SPIRE1: variants seen among roughly 807,000 people sequenced by gnomAD.
The protein encoded by SPIRE1 is spire type actin nucleation factor 1, also known as protein spire homolog 1.
A neutral mutation model predicts 94.1 loss-of-function variants in SPIRE1; 40 were observed. That is an observed-to-expected ratio of 0.43 (90% confidence interval 0.33 to 0.55). SPIRE1 has a LOEUF of 0.55. Ranked by LOEUF, SPIRE1 falls within the 20% of genes least tolerant of loss-of-function variation. The probability of loss-of-function intolerance (pLI) is 0.06; values close to 1 mark genes in which losing one functional copy is unlikely to be tolerated. For synonymous variants in SPIRE1, 376 were observed against 371.7 expected, an observed-to-expected ratio of 1.01 and a Z score of -0.13; for missense variants, 838 against 975.2, an observed-to-expected ratio of 0.86 and a Z score of 1.87.
chr18:12,565,500 G>A (rs1598477637), intron 2 of SPIRE1, among the ~76,000 whole-genome samples: 1 of 151,764 alleles, frequency 6.6e-6, no homozygotes, highest in Non-Finnish European at 1.5e-5. Flanking sequence ...TTAGCCTCCC[G>A]AGTAGCTGGG....
chr18:12,526,068 C>CACACACACACACACAT (rs2034515024), intron 4 of SPIRE1, among the ~76,000 whole-genome samples: 1 of 116,630 alleles, frequency 8.6e-6, no homozygotes, highest in African/African-American at 2.8e-5. Context: ...CACACACACA[C>CACACACACACACACAT]ACACACACAC....
intron 6 of SPIRE1, among the ~76,000 whole-genome samples, chr18:12,505,762 T>C (rs974748038): frequency 1.3e-5 from 2 of 152,208 alleles, no homozygotes; most frequent in Admixed American, 1.3e-4. Context: ...CAAGGTGATT[T>C]GTTTAATAAA....
intron 12 of SPIRE1, chr18:12,459,862 C>T: frequency 1.0e-6 from 1 of 985,878 alleles, no homozygotes; most frequent in Non-Finnish European, 1.2e-6. Flanking sequence ...AGCAGAGAAG[C>T]TGTTTGTATG....
chr18:12,521,554 G>A (rs2034359247), intron 4 of SPIRE1, among the ~76,000 whole-genome samples: 1 of 151,890 alleles, frequency 6.6e-6, no homozygotes, highest in Non-Finnish European at 1.5e-5. Context: ...GGCTGGTCTC[G>A]AACTCCCGAC....
chr18:12,496,940 C>T (rs545083776), intron 6 of SPIRE1, among the ~76,000 whole-genome samples: 147 of 151,992 alleles, frequency 9.7e-4, no homozygotes, highest in African/African-American at 3.4e-3. Flanking sequence ...TGGCAGCAGG[C>T]GCCTGTAATT....
chr18:12,642,363 T>C (rs1351499860), intron 1 of SPIRE1, among the ~76,000 whole-genome samples: 11 of 152,152 alleles, frequency 7.2e-5, no homozygotes, highest in Admixed American at 7.2e-4. Flanking sequence ...ATTTTTGACA[T>C]AGACTACACT....
intron 2 of SPIRE1, among the ~76,000 whole-genome samples, chr18:12,562,021 T>C (rs192840125): frequency 2.8e-4 from 43 of 152,314 alleles, no homozygotes; most frequent in Admixed American, 2.5e-3. Flanking sequence ...GGAAGGATTG[T>C]TAATGAGATT....
chr18:12,524,047 C>A (rs1433302848), intron 4 of SPIRE1, among the ~76,000 whole-genome samples: 1 of 152,092 alleles, frequency 6.6e-6, no homozygotes, highest in African/African-American at 2.4e-5. Context: ...ATTTGTATGA[C>A]TTGCTTTATT....
At chr18:12,637,831 T>C (rs2037976077) in intron 1 of SPIRE1, among the ~76,000 whole-genome samples, 1 of 152,176 alleles carries the variant, frequency 6.6e-6, no homozygotes, top group Non-Finnish European at 1.5e-5. Context: ...TTAAAAACAA[T>C]GATAGAGGAG....
chr18:12,615,542 C>CA (rs71174108), intron 2 of SPIRE1, among the ~76,000 whole-genome samples: 9,167 of 75,724 alleles, frequency 0.12, 1,067 homozygotes, highest in Middle Eastern at 0.24. Flanking sequence ...TCTATCTCCA[C>CA]AAAAAAAAAA....
intron 6 of SPIRE1, 68 bp downstream of exon 6, chr18:12,506,409 T>A: frequency 7.0e-7 from 1 of 1,422,888 alleles, no homozygotes; most frequent in Non-Finnish European, 9.9e-7. Flanking sequence ...TCCACCTGCC[T>A]CGACCTCCCA....
At chr18:12,469,288 C>T (rs990654671) in intron 10 of SPIRE1, among the ~76,000 whole-genome samples, 8 of 151,510 alleles carry the variant, frequency 5.3e-5, no homozygotes, top group African/African-American at 9.7e-5. Context: ...CTGCAATTTC[C>T]GCCTCTTGGG....
chr18:12,519,834 G>A (rs2034309597), intron 4 of SPIRE1, among the ~76,000 whole-genome samples: 1 of 152,134 alleles, frequency 6.6e-6, no homozygotes, highest in African/African-American at 2.4e-5. Flanking sequence ...ACATTGCTAA[G>A]GACAGTATCA....
At chr18:12,535,657 T>G in intron 3 of SPIRE1, 56 bp from the exon 4 acceptor site, 1 of 1,546,698 alleles carries the variant, frequency 6.5e-7, no homozygotes, top group East Asian at 2.3e-5. Flanking sequence ...GTTTTTTTTG[T>G]ACTTAAAAAC....
chr18:12,493,168 G>GT lies in SPIRE1; in HGVS notation c.1092dup (p.Arg365ThrfsTer7). On this transcript the variant is annotated frameshift_variant, in exon 8 of 17. Transcript: ENST00000409402. LOFTEE classifies it high-confidence loss of function. ...ATTCTTTCATGGAGGCTCCGTGGCC[G>GT]TGGTGGAGTTGGTTTCAGTTTTCTG... The GT allele has an allele frequency of 6.2e-7, 1 of 1,613,446 alleles. No individual in the cohort carries two copies. The highest frequency in any genetic ancestry group is 8.5e-7 in the Non-Finnish European group (1 of 1,179,848).
chr18:12,635,811 T>C (rs1598566355), intron 1 of SPIRE1, among the ~76,000 whole-genome samples: 1 of 152,130 alleles, frequency 6.6e-6, no homozygotes, highest in Non-Finnish European at 1.5e-5. Context: ...ACTTATTAAA[T>C]AGTTTTAACA....
chr18:12,449,654 G>T lies in SPIRE1; in HGVS notation c.2255C>A (p.Thr752Lys), dbSNP rs761806323. Residue 752 changes from threonine (T) to lysine (K), a missense_variant, in exon 17 of 17, where the codon ACG becomes AAG. Physicochemically the swap from Thr to Lys is moderately conservative, Grantham distance 78. This residue lies in a region of SPIRE1 where 645 missense variants were observed against 804.7 expected (regional missense o/e 0.80). Transcript: ENST00000409402. ...GPSEYCPSERTISEI is the reference protein window; with the variant it reads ...GPSEYCPSERKISEI ...GCACGAGGCTCAGATCTCACTGATC[G>T]TCCTCTCTGAAGGGCAGTACTCCGA... 23 of 1,613,952 alleles carry T rather than the reference G, an allele frequency of 1.4e-5. No homozygotes were observed. Among genetic ancestry groups the T allele is most frequent in the Non-Finnish European group, 1.9e-5 (23 of 1,180,004 alleles).
chr18:12,615,243 G>C (rs2037252044), intron 2 of SPIRE1, among the ~76,000 whole-genome samples: 1 of 144,816 alleles, frequency 6.9e-6, no homozygotes. Flanking sequence ...CAGGAGAATT[G>C]CTTGAACCCA....
intron 5 of SPIRE1, among the ~76,000 whole-genome samples, chr18:12,507,518 G>GT (rs1420250065): frequency 6.6e-6 from 1 of 151,986 alleles, no homozygotes; most frequent in African/African-American, 2.4e-5. Context: ...GACCAACATG[G>GT]TGAAACCCTG....
Sources: gnomAD v4.1 joint callset for allele counts (sites outside exome capture counted in the v4.1 genomes callset) on GRCh38, gnomAD v4.1.1 for gene constraint, gnomAD v4.1.1 regional missense constraint, MANE v1.5 for transcripts, NCBI Gene and HGNC (gene_info 2026-07-23, HGNC 2026-07-21) for gene names.